Variants in ANXA3 observed in about 807,000 individuals in gnomAD.
ANXA3 encodes annexin A3, also known as 35-alpha calcimedin.
ANXA3 carries 46 observed loss-of-function variants against 48.8 expected under a neutral mutation model. The observed-to-expected ratio is 0.94, with a 90% CI of 0.74 to 1.21. The LOEUF (loss-of-function observed/expected upper bound fraction) is 1.21. Ranked by LOEUF, ANXA3 falls within the 50% of genes most tolerant of loss-of-function variation. ANXA3 has a pLI of 0.00. For missense variants in ANXA3, 383 were observed against 378.6 expected (o/e 1.01, Z -0.10); for synonymous variants, 128 against 134.7 (o/e 0.95, Z 0.35).
chr4:78,570,754 T>C (rs74452788), intron 2 of ANXA3, among the ~76,000 whole-genome samples: 1,745 of 152,348 alleles, frequency 0.011, 38 homozygotes, highest in African/African-American at 0.039. Context: ...ATGCAGATTA[T>C]AATTAACATA....
intron 12 of ANXA3, among the ~76,000 whole-genome samples, chr4:78,607,491 C>A (rs532940220): frequency 1.3e-5 from 2 of 152,192 alleles, no homozygotes; most frequent in Non-Finnish European, 2.9e-5. Context: ...CAATGTGTAC[C>A]TCTTACTACT....
intron 12 of ANXA3, among the ~76,000 whole-genome samples, chr4:78,607,383 C>T (rs1723670191): frequency 6.6e-6 from 1 of 150,824 alleles, no homozygotes; most frequent in African/African-American, 2.4e-5. Flanking sequence ...TGTTTTCTTC[C>T]TTCCACCTAT....
intron 12 of ANXA3, among the ~76,000 whole-genome samples, chr4:78,609,581 G>T (rs111856470): frequency 6.6e-6 from 1 of 152,120 alleles, no homozygotes; most frequent in South Asian, 2.1e-4. Flanking sequence ...ACTTATTCTC[G>T]ATAAGATTTG....
At chr4:78,595,332 GA>G in intron 7 of ANXA3, 48 bp from the exon 8 acceptor site, 1 of 1,599,234 alleles carries the variant, frequency 6.3e-7, no homozygotes, top group Non-Finnish European at 8.6e-7. Flanking sequence ...CTATGTGTTA[GA>G]ATCTTCTATC....
rs778744080 is a variant in ANXA3 at position 78,595,792 on chromosome 4, A to G, written c.541-2A>G. On this transcript the variant is annotated splice_acceptor_variant, in intron 8 of 12. Transcript: ENST00000264908. LOFTEE classifies it high-confidence loss of function. ...TCTCTAATATCATTCTCTTGTGAATAGATTCTCTATAAAGCTGGTGAGAAC... is the reference window on the plus strand; with the variant it reads ...TCTCTAATATCATTCTCTTGTGAATGGATTCTCTATAAAGCTGGTGAGAAC... 2 of 1,579,826 alleles carry G rather than the reference A, an allele frequency of 1.3e-6. No individual in the cohort carries two copies. Among genetic ancestry groups the G allele is most frequent in the Non-Finnish European group, 1.7e-6 (2 of 1,149,738 alleles).
intron 2 of ANXA3, among the ~76,000 whole-genome samples, chr4:78,560,307 C>G (rs1459999517): frequency 3.3e-5 from 5 of 152,176 alleles, no homozygotes; most frequent in Admixed American, 3.3e-4. Flanking sequence ...CGGGAATCAC[C>G]TGCACTTCTG....
intron 6 of ANXA3, among the ~76,000 whole-genome samples, chr4:78,591,126 A>G (rs1289674925): frequency 6.6e-6 from 1 of 152,228 alleles, no homozygotes; most frequent in Non-Finnish European, 1.5e-5. Flanking sequence ...TGTACTAGCT[A>G]AGAGGAAAGC....
In ANXA3 at chr4:78,578,875, A is replaced by G; in HGVS notation, c.104-152A>G. The G allele has an allele frequency of 1.6e-5, 5 of 309,822 alleles. 1 individual carries two copies. The highest frequency in any genetic ancestry group is 3.0e-5 in the Non-Finnish European group (5 of 164,812). The allele number at this position is 309,822 out of a possible 1,614,324, so 19.2% of individuals were successfully genotyped here. On this transcript the variant is annotated intron_variant, in intron 3 of 12. Transcript: ENST00000264908. ...ACAAAATAAATAAATAAATAAATAAATAAATAAATAAATAAAATTCCAACC... is the reference window on the plus strand; with the variant it reads ...ACAAAATAAATAAATAAATAAATAAGTAAATAAATAAATAAAATTCCAACC...
chr4:78,609,619 AT>A (rs1723715430), intron 12 of ANXA3, among the ~76,000 whole-genome samples: 1 of 152,148 alleles, frequency 6.6e-6, no homozygotes, highest in East Asian at 1.9e-4. Context: ...TGTCTTTCTC[AT>A]TTTACTTATC....
chr4:78,573,068 GTGCGAATTAT>G (rs774162967), intron 2 of ANXA3, 102 bp from the exon 3 acceptor site: 48 of 831,852 alleles, frequency 5.8e-5, no homozygotes, highest in Admixed American at 1.2e-4. Flanking sequence ...GTAGGAAGGT[GTGCGAATTAT>G]GGGTTTGTCA....
At chr4:78,596,388 G>A (rs920759661) in intron 9 of ANXA3, among the ~76,000 whole-genome samples, 1 of 152,184 alleles carries the variant, frequency 6.6e-6, no homozygotes, top group Non-Finnish European at 1.5e-5. Context: ...ATGGAATTGT[G>A]GGCACCCGCC....
chr4:78,597,965 T>C (rs1031172837), intron 10 of ANXA3, among the ~76,000 whole-genome samples: 1 of 152,226 alleles, frequency 6.6e-6, no homozygotes, highest in Admixed American at 6.5e-5. Flanking sequence ...CTTGTGACCA[T>C]GTTTAGCTTG....
chr4:78,582,291 G>T lies in ANXA3; in HGVS notation c.312+1G>T. On this transcript the variant is annotated splice_donor_variant, in intron 5 of 12. Transcript: ENST00000264908. LOFTEE classifies it high-confidence loss of function. ...AAAGCAGCTAAAGAAATCCATGAAG[G>T]TATGAGCCCCCCACAAGCCATTTCT... The T allele has an allele frequency of 6.2e-7, 1 of 1,600,282 alleles. No homozygotes were observed. The highest frequency in any genetic ancestry group is 8.6e-7 in the Non-Finnish European group (1 of 1,168,048).
At position 78,604,083 on chromosome 4, in the gene ANXA3, A is replaced by G. The variant is rs76693981; in HGVS notation, c.790-194A>G. 8.4e-3 allele frequency: 3,944 copies of G among 470,156 alleles called. 142 individuals are homozygous for G. The highest frequency in any genetic ancestry group is 0.071 in the African/African-American group (3,576 of 50,082). The allele number at this position is 470,156 out of a possible 1,614,324, so 29.1% of individuals were successfully genotyped here. ...ATCTCATCTCTGCTTTGCAGCATTT[A>G]GCATGATGCTGTCACAGAGTAGGTG... On this transcript the variant is annotated intron_variant, in intron 11 of 12. Transcript: ENST00000264908.
chr4:78,588,320 GA>G (rs1723219938), intron 6 of ANXA3, among the ~76,000 whole-genome samples: 1 of 152,108 alleles, frequency 6.6e-6, no homozygotes, highest in Non-Finnish European at 1.5e-5. Flanking sequence ...TTGAGTCTAA[GA>G]GATTGAGGCC....
At chr4:78,554,384 T>C in intron 1 of ANXA3, 52 bp from the exon 2 acceptor site, 2 of 1,234,558 alleles carry the variant, frequency 1.6e-6, no homozygotes, top group Non-Finnish European at 2.4e-6. Flanking sequence ...CTAAGATTAT[T>C]GTGTTCTGAA....
chr4:78,587,784 A>C (rs1489364520), intron 6 of ANXA3, among the ~76,000 whole-genome samples: 5 of 152,180 alleles, frequency 3.3e-5, no homozygotes, highest in Non-Finnish European at 5.9e-5. Context: ...TTTGACAGAT[A>C]GAATGTAATA....
At chr4:78,566,635 C>T (rs368533653) in intron 2 of ANXA3, among the ~76,000 whole-genome samples, 14 of 124,296 alleles carry the variant, frequency 1.1e-4, no homozygotes, top group East Asian at 2.4e-4. Flanking sequence ...ATATAGAGAA[C>T]GGAATAATAG....
At chr4:78,572,171 A>AT in intron 2 of ANXA3, among the ~76,000 whole-genome samples, 1 of 152,336 alleles carries the variant, frequency 6.6e-6, no homozygotes, top group African/African-American at 2.4e-5. Context: ...TTTAAAACAA[A>AT]TTTTCTTCAG....
Sources: allele counts gnomAD v4.1 joint callset (sites outside exome capture counted in the v4.1 genomes callset), GRCh38; gene constraint gnomAD v4.1.1; transcripts MANE v1.5; gene names NCBI Gene and HGNC (gene_info 2026-07-23, HGNC 2026-07-21).